Variants in ENOX1 observed in about 807,000 individuals in gnomAD.
ENOX1 encodes candidate growth-related and time keeping constitutive hydroquinone (NADH) oxidase.
ENOX1 carries 42 observed loss-of-function variants against 82.5 expected under a neutral mutation model. The observed-to-expected ratio is 0.51, with a 90% CI of 0.40 to 0.66. ENOX1 has a LOEUF of 0.66. ENOX1 is among the 30% of genes least tolerant of loss of function. ENOX1 has a pLI of 0.00. For synonymous variants in ENOX1, 271 were observed against 282.2 expected (o/e 0.96, Z 0.40); for missense variants, 608 against 811.6 (o/e 0.75, Z 3.05).
chr13:43,356,216 C>T, intron 7 of ENOX1, 64 bp from the exon 8 acceptor site: 1 of 1,445,078 alleles, frequency 6.9e-7, no homozygotes, highest in Non-Finnish European at 9.5e-7. Context: ...TGGTCCAGAC[C>T]TTCAAGGCAC....
intron 1 of ENOX1, among the ~76,000 whole-genome samples, chr13:43,741,358 C>T (rs2089903692): frequency 6.6e-6 from 1 of 152,208 alleles, no homozygotes; most frequent in Non-Finnish European, 1.5e-5. Flanking sequence ...GCTGGGATTA[C>T]AGGTGTGAGT....
At chr13:43,542,949 C>T (rs2078807512) in intron 2 of ENOX1, among the ~76,000 whole-genome samples, 1 of 152,110 alleles carries the variant, frequency 6.6e-6, no homozygotes, top group Non-Finnish European at 1.5e-5. Flanking sequence ...TATAAAGGTA[C>T]TTGTCTCCTT....
rs756694903 is a variant in ENOX1, at chr13:43,479,469, C to T, written c.-75+4540G>A. On this transcript the variant is annotated intron_variant, in intron 3 of 16. Coordinates refer to ENST00000690772, the MANE Select transcript of ENOX1 (RefSeq NM_001347969.2). ...TTCTCCTGAGGTCCAAGCCTGTCTC[C>T]ATCTCCATATCCAACAGCTGTCCTC... 1.5e-3 allele frequency among the ~76,000 whole-genome samples: 232 copies of T among 152,296 alleles called. 1 individual carries two copies. The highest frequency in any genetic ancestry group is 4.7e-4 in the Non-Finnish European group (32 of 68,030).
intron 12 of ENOX1, among the ~76,000 whole-genome samples, chr13:43,296,153 C>T (rs112351223): frequency 3.3e-5 from 5 of 152,302 alleles, no homozygotes; most frequent in African/African-American, 1.2e-4. Context: ...TTGTGCCCTG[C>T]CCCCCAGCCC....
chr13:43,661,708 A>G (rs1835622469), intron 2 of ENOX1, among the ~76,000 whole-genome samples: 1 of 152,166 alleles, frequency 6.6e-6, no homozygotes, highest in South Asian at 2.1e-4. Flanking sequence ...AGAATCAATA[A>G]AAATGAGGGA....
At chr13:43,618,977 A>ATT (rs56048836) in intron 2 of ENOX1, among the ~76,000 whole-genome samples, 2,217 of 116,928 alleles carry the variant, frequency 0.019, 49 homozygotes, top group East Asian at 0.091. Context: ...ATAGTCCTAA[A>ATT]TTTTTTTTTT....
intron 3 of ENOX1, among the ~76,000 whole-genome samples, chr13:43,465,049 C>A (rs924486820): frequency 8.4e-4 from 128 of 152,256 alleles, no homozygotes; most frequent in Non-Finnish European, 1.6e-3. Context: ...AGGCAAATGA[C>A]ATCAGCCTGA....
At chr13:43,604,583 T>C (rs964726374) in intron 2 of ENOX1, among the ~76,000 whole-genome samples, 7 of 152,214 alleles carry the variant, frequency 4.6e-5, no homozygotes, top group Admixed American at 3.9e-4. Flanking sequence ...AATGATCATA[T>C]AGTTTTTATC....
At chr13:43,562,683 A>C (rs886363248) in intron 2 of ENOX1, among the ~76,000 whole-genome samples, 2 of 152,188 alleles carry the variant, frequency 1.3e-5, no homozygotes, top group African/African-American at 2.4e-5. Context: ...ACATAGATTG[A>C]AAATAAAGAA....
chr13:43,717,152 C>G (rs1160778035), intron 1 of ENOX1, among the ~76,000 whole-genome samples: 1 of 152,178 alleles, frequency 6.6e-6, no homozygotes, highest in African/African-American at 2.4e-5. Flanking sequence ...TACTTTAAGG[C>G]TACAGTTACC....
chr13:43,773,565 TTCACAC>T (rs1951762620), intron 1 of ENOX1, among the ~76,000 whole-genome samples: 1 of 152,172 alleles, frequency 6.6e-6, no homozygotes, highest in African/African-American at 2.4e-5. Context: ...AAGCCAAGCT[TTCACAC>T]ATCTGGACTT....
At chr13:43,230,259 T>C (rs938405023) in intron 15 of ENOX1, among the ~76,000 whole-genome samples, 1 of 152,040 alleles carries the variant, frequency 6.6e-6, no homozygotes, top group African/African-American at 2.4e-5. Context: ...TCTCTGGTGA[T>C]GTGGAAAAGA....
At chr13:43,384,568 T>C (rs978773833) in intron 5 of ENOX1, among the ~76,000 whole-genome samples, 3 of 152,226 alleles carry the variant, frequency 2.0e-5, no homozygotes, top group African/African-American at 7.2e-5. Flanking sequence ...TTCACGTGGC[T>C]GAGACAAACA....
chr13:43,769,632 G>A (rs1594751248), intron 1 of ENOX1, among the ~76,000 whole-genome samples: 1 of 152,148 alleles, frequency 6.6e-6, no homozygotes, highest in African/African-American at 2.4e-5. Context: ...CCACTCAGGG[G>A]CTCCCAAATA....
intron 2 of ENOX1, among the ~76,000 whole-genome samples, chr13:43,551,355 C>T (rs1455747894): frequency 6.6e-6 from 1 of 152,096 alleles, no homozygotes; most frequent in African/African-American, 2.4e-5. Context: ...ATGATCCCTG[C>T]ATCCCTGGGA....
intron 11 of ENOX1, 96 bp from the exon 12 acceptor site, chr13:43,298,626 A>C: frequency 8.4e-7 from 1 of 1,191,234 alleles, no homozygotes; most frequent in Non-Finnish European, 1.2e-6. Context: ...CAAGTTCTTA[A>C]TGTTTGTACC....
At chr13:43,465,497 G>C (rs1300355857) in intron 3 of ENOX1, among the ~76,000 whole-genome samples, 1 of 151,584 alleles carries the variant, frequency 6.6e-6, no homozygotes. Flanking sequence ...TATTTTTACT[G>C]TCCCAGCCAC....
chr13:43,221,754 C>A (rs946183180), intron 16 of ENOX1, among the ~76,000 whole-genome samples: 1 of 152,160 alleles, frequency 6.6e-6, no homozygotes, highest in Non-Finnish European at 1.5e-5. Flanking sequence ...AAATTAATTC[C>A]TTCCATTCCT....
chr13:43,715,014 G>T (rs1477315704), intron 1 of ENOX1, among the ~76,000 whole-genome samples: 3 of 152,066 alleles, frequency 2.0e-5, no homozygotes, highest in East Asian at 1.9e-4. Flanking sequence ...CTTGATGGTC[G>T]TTACATTTTG....
Sources: allele counts gnomAD v4.1 joint callset (sites outside exome capture counted in the v4.1 genomes callset), GRCh38; gene constraint gnomAD v4.1.1; transcripts MANE v1.5; gene names NCBI Gene and HGNC (gene_info 2026-07-23, HGNC 2026-07-21).